Variants in ENOX1 observed in about 807,000 individuals in gnomAD.
ENOX1 encodes the protein ecto-NOX disulfide-thiol exchanger 1.
Under a neutral mutation model 82.5 loss-of-function variants are expected in ENOX1, and 42 were observed. The observed-to-expected ratio is 0.51, with a 90% CI of 0.40 to 0.66. ENOX1 has a LOEUF of 0.66. ENOX1 is among the 30% of genes least tolerant of loss of function. The probability of loss-of-function intolerance (pLI) is 0.00; values close to 1 mark genes in which losing one functional copy is unlikely to be tolerated. For synonymous variants in ENOX1, 271 were observed against 282.2 expected (o/e 0.96, Z 0.40); for missense variants, 608 against 811.6 (o/e 0.75, Z 3.05).
chr13:43,663,795 T>C (rs149133806), intron 2 of ENOX1, among the ~76,000 whole-genome samples: 2 of 152,228 alleles, frequency 1.3e-5, no homozygotes, highest in Non-Finnish European at 2.9e-5. Context: ...AGTAAAAATA[T>C]GAAAGAATTA....
At chr13:43,631,611 T>C (rs1298300167) in intron 2 of ENOX1, among the ~76,000 whole-genome samples, 1 of 152,218 alleles carries the variant, frequency 6.6e-6, no homozygotes, top group Non-Finnish European at 1.5e-5. Context: ...TAATTAATTT[T>C]AGAACAAATA....
In ENOX1 at chr13:43,406,991, A is replaced by T. The variant is rs1249966250; in HGVS notation, c.208+4925T>A. ...CAGAGAATATCCAGAAAGCACTATT[A>T]GTTCCCATGCAGGCCTGGGCAAGAA... is the stretch of plus-strand genomic sequence containing the variant. On this transcript the variant is annotated intron_variant, in intron 5 of 16. Transcript: ENST00000690772. Among the ~76,000 whole-genome samples, 2 of 152,216 alleles carry T rather than the reference A, an allele frequency of 1.3e-5. 1 individual carries two copies. The highest frequency in any genetic ancestry group is 6.3e-3 in the Middle Eastern group (2 of 316).
intron 12 of ENOX1, among the ~76,000 whole-genome samples, chr13:43,281,095 G>C (rs2045352780): frequency 6.6e-6 from 1 of 152,134 alleles, no homozygotes; most frequent in South Asian, 2.1e-4. Context: ...GCATTAGACA[G>C]GAACAGTTTC....
intron 11 of ENOX1, among the ~76,000 whole-genome samples, chr13:43,309,839 A>ATG (rs142745757): frequency 0.012 from 1,884 of 152,210 alleles, 29 homozygotes; most frequent in African/African-American, 0.041. Flanking sequence ...TGTTCATTAA[A>ATG]ATTTGTTTTG....
Position 43,511,848 on chromosome 13 carries a change from C to T in ENOX1, c.-218-27696G>A, listed in dbSNP as rs1026352629. ...CATTCTAGGGAATCCAAAAGGCGAG[C>T]ACCACATATTTCCTTTCCTTTCCAC... is the stretch of plus-strand genomic sequence containing the variant. On this transcript the variant is annotated intron_variant, in intron 2 of 16. Transcript: ENST00000690772. 5.9e-4 allele frequency among the ~76,000 whole-genome samples: 90 copies of T among 152,090 alleles called. 1 individual carries two copies. Among genetic ancestry groups the T allele is most frequent in the Admixed American group, 4.6e-4 (7 of 15,252 alleles).
rs3043205 is a variant in ENOX1 at position 43,213,544 on chromosome 13, C to CTTTTTTT, written c.*439_*445dup. ...TTTTTCTTTTTTTCTTTTTCTTTTT[C>CTTTTTTT]TTTTTTTTTTTTTTTTTTTTTTTAC... On this transcript the variant is annotated 3_prime_UTR_variant, in exon 17 of 17. Transcript: ENST00000690772. 23 of 84,006 alleles carry CTTTTTTT rather than the reference C, an allele frequency of 2.7e-4. No homozygotes were observed. The highest frequency in any genetic ancestry group is 1.4e-3 in the South Asian group (3 of 2,124). 5.2% of individuals were successfully genotyped at this position (84,006 alleles called of 1,614,324 possible). A position where few individuals can be genotyped will look rare whatever the true frequency, so the allele number is the denominator to read the frequency against.
chr13:43,739,926 G>T (rs1405483019), intron 1 of ENOX1, among the ~76,000 whole-genome samples: 1 of 151,964 alleles, frequency 6.6e-6, no homozygotes, highest in African/African-American at 2.4e-5. Flanking sequence ...TTATAATGAT[G>T]CACTTCCACT....
intron 1 of ENOX1, among the ~76,000 whole-genome samples, chr13:43,713,640 G>C (rs1223938768): frequency 6.6e-6 from 1 of 152,148 alleles, no homozygotes; most frequent in African/African-American, 2.4e-5. Context: ...GTTTAGTCTT[G>C]GGAGGGTGTA....
intron 2 of ENOX1, among the ~76,000 whole-genome samples, chr13:43,572,342 C>T (rs1262491399): frequency 6.6e-6 from 1 of 152,094 alleles, no homozygotes; most frequent in Non-Finnish European, 1.5e-5. Context: ...AAACAGAGAC[C>T]CTTAACTAAG....
In ENOX1 at chr13:43,450,590, G is replaced by A. The variant is rs553634503; in HGVS notation, c.-75+33419C>T. On this transcript the variant is annotated intron_variant, in intron 3 of 16. Transcript: ENST00000690772. Reference sequence around the variant, plus strand: ...GGAAAGAACAGGCAAGACAGAGTAAGCAGCTTTAGGATAGCTAATTTAAAT... The same window carrying A: ...GGAAAGAACAGGCAAGACAGAGTAAACAGCTTTAGGATAGCTAATTTAAAT... Among the ~76,000 whole-genome samples the A allele has an allele frequency of 3.3e-5, 5 of 152,278 alleles. No homozygotes were observed. The South Asian group carries it at 1.0e-3, about 32-fold the overall frequency.
At chr13:43,223,594 T>C (rs2041892920) in intron 16 of ENOX1, among the ~76,000 whole-genome samples, 1 of 152,164 alleles carries the variant, frequency 6.6e-6, no homozygotes, top group Admixed American at 6.6e-5. Context: ...AGAACAACGC[T>C]GGAAAACAGC....
intron 3 of ENOX1, among the ~76,000 whole-genome samples, chr13:43,428,920 A>C (rs536464165): frequency 6.6e-6 from 1 of 152,330 alleles, no homozygotes; most frequent in South Asian, 2.1e-4. Flanking sequence ...GATCTATGTC[A>C]GTTATCATGT....
intron 2 of ENOX1, among the ~76,000 whole-genome samples, chr13:43,661,707 A>G (rs2153785914): frequency 6.6e-6 from 1 of 152,300 alleles, no homozygotes. Context: ...AAGAATCAAT[A>G]AAAATGAGGG....
At chr13:43,638,417 C>T (rs978486086) in intron 2 of ENOX1, among the ~76,000 whole-genome samples, 13 of 149,622 alleles carry the variant, frequency 8.7e-5, no homozygotes, top group African/African-American at 2.0e-4. Flanking sequence ...TTTTTTTTTC[C>T]GAAAACTGTA....
intron 1 of ENOX1, among the ~76,000 whole-genome samples, chr13:43,702,841 T>C (rs1351809672): frequency 6.7e-6 from 1 of 150,234 alleles, no homozygotes; most frequent in African/African-American, 2.4e-5. Context: ...TAATCCCAGC[T>C]ACTCGGGAGG....
intron 2 of ENOX1, among the ~76,000 whole-genome samples, chr13:43,533,347 T>A (rs12430090): frequency 6.6e-6 from 1 of 152,302 alleles, no homozygotes; most frequent in Non-Finnish European, 1.5e-5. Flanking sequence ...GTGTCATTTT[T>A]CTAGGATTTC....
chr13:43,504,163 TAAA>T (rs1161230146), intron 2 of ENOX1, among the ~76,000 whole-genome samples: 1 of 151,510 alleles, frequency 6.6e-6, no homozygotes, highest in Non-Finnish European at 1.5e-5. Context: ...TTATAAAAAA[TAAA>T]AAGATAACAA....
intron 5 of ENOX1, among the ~76,000 whole-genome samples, chr13:43,404,129 G>A (rs2053652089): frequency 6.6e-6 from 1 of 152,046 alleles, no homozygotes. Flanking sequence ...TATAAAACAA[G>A]TCAGATGCTT....
chr13:43,214,839 G>A (rs1315591574), intron 16 of ENOX1, among the ~76,000 whole-genome samples: 1 of 152,148 alleles, frequency 6.6e-6, no homozygotes, highest in Non-Finnish European at 1.5e-5. Context: ...GCCAATCCAT[G>A]TGTATGCATG....
Sources: gnomAD v4.1 joint callset for allele counts (sites outside exome capture counted in the v4.1 genomes callset) on GRCh38, gnomAD v4.1.1 for gene constraint, MANE v1.5 for transcripts, NCBI Gene and HGNC (gene_info 2026-07-23, HGNC 2026-07-21) for gene names.